Variants in RREB1 observed in about 807,000 individuals in gnomAD.
The protein encoded by RREB1 is ras responsive element binding protein 1.
RREB1 carries 27 observed loss-of-function variants against 117.8 expected under a neutral mutation model. The ratio of observed to expected loss-of-function variants is 0.23; its 90% CI spans 0.17 to 0.32. The LOEUF (loss-of-function observed/expected upper bound fraction) is 0.32. RREB1 is among the 10% of genes least tolerant of loss of function. RREB1 has a pLI of 1.00. For synonymous variants in RREB1, 1,298 were observed against 1,026.7 expected, an observed-to-expected ratio of 1.26 and a Z score of -5.05; for missense variants, 2,577 against 2,378.2, an observed-to-expected ratio of 1.08 and a Z score of -1.74.
chr6:7,189,112 T>G, intron 5 of RREB1, 47 bp from the exon 6 acceptor site: 1 of 1,553,110 alleles, frequency 6.4e-7, no homozygotes, highest in South Asian at 1.2e-5. Flanking sequence ...GAGCTGAGCT[T>G]CTGATGCACT....
intron 1 of RREB1, among the ~76,000 whole-genome samples, chr6:7,172,124 C>G (rs1363980684): frequency 1.3e-5 from 2 of 151,932 alleles, no homozygotes; most frequent in Non-Finnish European, 2.9e-5. Flanking sequence ...ATTTAAATTT[C>G]TTATAGAGAT....
chr6:7,157,665 A>C (rs1261935195), intron 1 of RREB1, among the ~76,000 whole-genome samples: 1 of 151,800 alleles, frequency 6.6e-6, no homozygotes, highest in Non-Finnish European at 1.5e-5. Context: ...CCAGCATTTG[A>C]GAAGCTGAGG....
chr6:7,197,899 A>G (rs1765749819), intron 6 of RREB1, among the ~76,000 whole-genome samples: 1 of 152,214 alleles, frequency 6.6e-6, no homozygotes, highest in Non-Finnish European at 1.5e-5. Context: ...TCCATGACAA[A>G]TGAGACCACG....
chr6:7,108,257 GGCGGGGCGGCCAGGGATGA>G (rs1760927517), intron 1 of RREB1, among the ~76,000 whole-genome samples, 197 bp downstream of exon 1: 1 of 152,032 alleles, frequency 6.6e-6, no homozygotes. Flanking sequence ...CGCTCGGGCC[GGCGGGGCGGCCAGGGATGA>G]GCGGGGCAGC....
At position 7,210,838 on chromosome 6, in the gene RREB1, G is replaced by T. The variant is rs944875665; in HGVS notation, c.460G>T (p.Ala154Ser). 6.2e-7 allele frequency: 1 copy of T among 1,613,998 alleles called. No individual in the cohort carries two copies. The highest frequency in any genetic ancestry group is 1.7e-5 in the Admixed American group (1 of 60,028). Reference sequence around the variant, plus strand: ...GATCCATGAGAAGGACCCTAACAGTGCCACAGCCACAGCCCCTCCATCTCC... The same window carrying T: ...GATCCATGAGAAGGACCCTAACAGTTCCACAGCCACAGCCCCTCCATCTCC... Reference protein sequence around the residue: ...MKIHEKDPNSATATAPPSPLK... With the variant: ...MKIHEKDPNSSTATAPPSPLK... Residue 154 changes from alanine to serine, a missense_variant, in exon 7 of 13, where the codon GCC (alanine) becomes TCC (serine). Transcript: ENST00000379938.
intron 1 of RREB1, among the ~76,000 whole-genome samples, chr6:7,126,293 C>A (rs1044782804): frequency 6.6e-6 from 1 of 151,924 alleles, no homozygotes; most frequent in Non-Finnish European, 1.5e-5. Context: ...AGCCACTGCG[C>A]CCGGCCTCGA....
At chr6:7,167,577 A>C (rs1253500811) in intron 1 of RREB1, among the ~76,000 whole-genome samples, 16 of 151,532 alleles carry the variant, frequency 1.1e-4, no homozygotes, top group Non-Finnish European at 2.4e-4. Context: ...CTGGTCTCGA[A>C]CTCCTGACCT....
intron 6 of RREB1, among the ~76,000 whole-genome samples, chr6:7,208,880 C>T (rs995006641): frequency 1.5e-4 from 23 of 152,160 alleles, no homozygotes; most frequent in African/African-American, 5.5e-4. Context: ...AACTGACTGG[C>T]GTGGTCTTGG....
chr6:7,231,206 T>C lies in RREB1; in HGVS notation c.3107T>C (p.Leu1036Pro). The C allele has an allele frequency of 6.2e-7, 1 of 1,612,234 alleles. No homozygotes were observed. The highest frequency in any genetic ancestry group is 1.1e-5 in the South Asian group (1 of 91,064). The change falls in exon 10 of 13, where the codon CTG (leucine) becomes CCG (proline). Residue 1036 changes from leucine (L) to proline (P), a missense_variant. Coordinates refer to ENST00000379938, the MANE Select transcript of RREB1 (RefSeq NM_001003699.4). ...CCACTCGTGGGCAGCTCAGCCCTCC[T>C]GAGTGGCACAGCCTTGCTGCGTCCA... The part of the protein sequence containing the change: ...SPPLVGSSAL[L>P]SGTALLRPLR...
intron 1 of RREB1, among the ~76,000 whole-genome samples, chr6:7,153,936 A>G (rs984004986): frequency 2.0e-5 from 3 of 152,204 alleles, no homozygotes; most frequent in African/African-American, 7.2e-5. Flanking sequence ...TGCCACCACA[A>G]GGAAAGAGCT....
At chr6:7,151,933 C>A (rs1027069375) in intron 1 of RREB1, among the ~76,000 whole-genome samples, 1 of 152,186 alleles carries the variant, frequency 6.6e-6, no homozygotes, top group African/African-American at 2.4e-5. Flanking sequence ...GAGAAATAAA[C>A]CAAGCAAGTG....
chr6:7,173,954 G>A (rs777654438), intron 1 of RREB1, among the ~76,000 whole-genome samples: 3 of 151,938 alleles, frequency 2.0e-5, no homozygotes, highest in Non-Finnish European at 2.9e-5. Context: ...TATCTCCCCC[G>A]GGGCTTGGGG....
Position 7,229,439 on chromosome 6 carries a change from T to G in RREB1, c.1340T>G (p.Ile447Ser). ...LSLQPFQKGF[I>S]IQPDSSIVVK... ...CTGCAGCCCTTCCAGAAGGGCTTCA[T>G]CATCCAGCCTGACAGCAGCATTGTG... Residue 447 changes from isoleucine (I) to serine (S), a missense_variant, in exon 10 of 13, where the codon ATC (isoleucine) becomes AGC (serine). Physicochemically the swap from Ile to Ser is moderately radical, Grantham distance 142 (BLOSUM62 -2). Coordinates refer to ENST00000379938, the MANE Select transcript of RREB1 (RefSeq NM_001003699.4). The surrounding 1 kb of genome is among the most constrained non-coding windows in gnomAD (Gnocchi z 4.5). The G allele has an allele frequency of 6.2e-7, 1 of 1,614,176 alleles. No individual in the cohort carries two copies. Among genetic ancestry groups the G allele is most frequent in the Non-Finnish European group, 8.5e-7 (1 of 1,180,018 alleles).
rs116472249 is a variant in RREB1 at position 7,193,327 on chromosome 6, G to A, written c.425+4005G>A. Among the ~76,000 whole-genome samples the A allele has an allele frequency of 8.9e-3, 1,354 of 152,300 alleles. 21 individuals are homozygous for A. The highest frequency in any genetic ancestry group is 0.03 in the African/African-American group (1,265 of 41,562). ...CTGCTGTTGTTGGGTGGAGTGTTCTGTAGATTTGCTGTTGGGTCTAGTAGG... is the reference window on the plus strand; with the variant it reads ...CTGCTGTTGTTGGGTGGAGTGTTCTATAGATTTGCTGTTGGGTCTAGTAGG... On this transcript the variant is annotated intron_variant, in intron 6 of 12. Transcript: ENST00000379938.
chr6:7,235,604 C>T (rs1409131262), intron 10 of RREB1, among the ~76,000 whole-genome samples: 1 of 152,188 alleles, frequency 6.6e-6, no homozygotes, highest in Non-Finnish European at 1.5e-5. Context: ...GGTGCCTGGC[C>T]GTTTTGTGTT....
At chr6:7,164,009 A>G (rs996935322) in intron 1 of RREB1, among the ~76,000 whole-genome samples, 7 of 152,198 alleles carry the variant, frequency 4.6e-5, no homozygotes, top group Non-Finnish European at 8.8e-5. Context: ...ATGGGCCCCT[A>G]TCGGGGCTGG....
intron 10 of RREB1, 75 bp downstream of exon 10, chr6:7,231,982 C>T (rs1433625876): frequency 2.2e-6 from 3 of 1,385,234 alleles, no homozygotes; most frequent in Non-Finnish European, 2.0e-6. Context: ...GGGTCAAAAG[C>T]GAGACCCATC....
chr6:7,227,661 C>G (rs1767666843), intron 9 of RREB1, among the ~76,000 whole-genome samples: 2 of 152,168 alleles, frequency 1.3e-5, no homozygotes, highest in African/African-American at 4.8e-5. Context: ...ATCTGCATTG[C>G]AGCTAAATAT....
intron 1 of RREB1, among the ~76,000 whole-genome samples, chr6:7,124,901 C>T (rs1761842893): frequency 6.6e-6 from 1 of 152,190 alleles, no homozygotes; most frequent in Non-Finnish European, 1.5e-5. Context: ...TGACTCTGAG[C>T]TGTGCTTCTG....
Sources: allele counts gnomAD v4.1 joint callset (sites outside exome capture counted in the v4.1 genomes callset), GRCh38; gene constraint gnomAD v4.1.1; non-coding constraint Gnocchi (gnomAD v3.1); transcripts MANE v1.5; gene names NCBI Gene and HGNC (gene_info 2026-07-23, HGNC 2026-07-21).